Variants in C14orf39 observed in about 807,000 individuals in gnomAD.
C14orf39 encodes the protein chromosome 14 open reading frame 39.
Under a neutral mutation model 85.6 loss-of-function variants are expected in C14orf39, and 66 were observed. The observed-to-expected ratio is 0.77, with a 90% CI of 0.63 to 0.95. C14orf39 has a LOEUF of 0.95. Ranked by LOEUF, C14orf39 falls within the 40% of genes least tolerant of loss-of-function variation. The pLI, the probability that C14orf39 is intolerant of heterozygous loss-of-function variation, is 0.00. For synonymous variants in C14orf39, 242 were observed against 214.0 expected (o/e 1.13, Z -1.14); for missense variants, 735 against 663.9 (o/e 1.11, Z -1.18).
At chr14:60,513,236 G>T (rs1279971341) in intron 1 of C14orf39, among the ~76,000 whole-genome samples, 7 of 152,210 alleles carry the variant, frequency 4.6e-5, no homozygotes, top group Non-Finnish European at 8.8e-5. Context: ...GATAAAACTG[G>T]TGTTCTTTCC....
At position 60,442,401 on chromosome 14, in the gene C14orf39, C is replaced by T. The variant is rs144521294; in HGVS notation, c.1504-270G>A. On this transcript the variant is annotated intron_variant, in intron 16 of 17. Transcript: ENST00000321731. ...TTTAGAATCTTAATATGATATTTTG[C>T]TTTATTCTGAAAGCTTTTAACAAAT... Among the ~76,000 whole-genome samples, 24 of 152,164 alleles carry T rather than the reference C, an allele frequency of 1.6e-4. 2 individuals carry two copies. Among genetic ancestry groups the T allele is most frequent in the African/African-American group, 5.8e-4 (24 of 41,534 alleles).
chr14:60,437,243 A>G (rs1890296232), intron 17 of C14orf39, among the ~76,000 whole-genome samples, 196 bp from the exon 18 acceptor site: 1 of 151,984 alleles, frequency 6.6e-6, no homozygotes, highest in African/African-American at 2.4e-5. Flanking sequence ...AACAGACTCA[A>G]ACTTAAACCC....
chr14:60,471,323 C>A, intron 7 of C14orf39, 94 bp downstream of exon 7: 1 of 971,954 alleles, frequency 1.0e-6, no homozygotes, highest in Non-Finnish European at 1.5e-6. Flanking sequence ...AAAACAAATC[C>A]ATGTTATTCT....
chr14:60,492,671 T>C (rs1446968517), intron 2 of C14orf39, among the ~76,000 whole-genome samples: 3 of 152,018 alleles, frequency 2.0e-5, no homozygotes, highest in Non-Finnish European at 4.4e-5. Flanking sequence ...TAGTCCCAGC[T>C]ACTCAAGAGG....
intron 11 of C14orf39, 62 bp downstream of exon 11, chr14:60,465,917 T>G: frequency 1.6e-5 from 13 of 822,384 alleles, no homozygotes; most frequent in Middle Eastern, 2.4e-4. Context: ...GGGCAGTACA[T>G]TCATTATTAC....
intron 16 of C14orf39, among the ~76,000 whole-genome samples, chr14:60,450,927 C>A (rs1325861195): frequency 6.6e-6 from 1 of 152,190 alleles, no homozygotes; most frequent in Non-Finnish European, 1.5e-5. Flanking sequence ...CTGCAAACAG[C>A]ACAGCGTTAT....
Position 60,436,833 on chromosome 14 carries a change from T to C in C14orf39, c.*12A>G. 1 of 1,563,660 alleles carries C rather than the reference T, an allele frequency of 6.4e-7. No homozygotes were observed. Among genetic ancestry groups the C allele is most frequent in the Non-Finnish European group, 8.8e-7 (1 of 1,140,808 alleles). On this transcript the variant is annotated 3_prime_UTR_variant, in exon 18 of 18. Transcript: ENST00000321731. ...CAGAACAGTAAAATAATTTAAGGAA[T>C]TAATGACTAGCTCAAAAAAAAGTAA... is the stretch of plus-strand genomic sequence containing the variant.
rs945610915 is a variant in C14orf39, at chr14:60,509,182, C to A, written c.-144+6213G>T. The A allele has an allele frequency of 6.8e-6, 4 of 584,538 alleles. No homozygotes were observed. The African/African-American group carries it at 7.5e-5, about 11-fold the overall frequency. 36.2% of individuals were successfully genotyped at this position (584,538 alleles called of 1,614,324 possible). A position where few individuals can be genotyped will look rare whatever the true frequency, so the allele number is the denominator to read the frequency against. On this transcript the variant is annotated intron_variant, in intron 1 of 5. Transcript: ENST00000556799. ...CAGCTCGCCTGCCGGCGTGCCTGAG[C>A]CGAGCCGAGCCCGAACCCCAAGCCG...
At chr14:60,481,622 G>C (rs1892642191) in intron 4 of C14orf39, among the ~76,000 whole-genome samples, 1 of 152,078 alleles carries the variant, frequency 6.6e-6, no homozygotes, top group African/African-American at 2.4e-5. Context: ...CCAGTGCTAG[G>C]TGTTATTTTT....
At chr14:60,503,687 A>G (rs1482437628) in intron 1 of C14orf39, among the ~76,000 whole-genome samples, 1 of 152,238 alleles carries the variant, frequency 6.6e-6, no homozygotes, top group Non-Finnish European at 1.5e-5. Flanking sequence ...CTAACAAGAT[A>G]GAAGCAACCC....
intron 4 of C14orf39, among the ~76,000 whole-genome samples, chr14:60,482,214 C>T (rs1016553561): frequency 2.0e-5 from 3 of 152,088 alleles, no homozygotes; most frequent in African/African-American, 4.8e-5. Context: ...GTAGGTTCTA[C>T]GGGGAAACTA....
intron 17 of C14orf39, among the ~76,000 whole-genome samples, chr14:60,440,608 A>C (rs1042928310): frequency 6.6e-6 from 1 of 152,140 alleles, no homozygotes; most frequent in African/African-American, 2.4e-5. Context: ...TCCACATAGC[A>C]GCCAGAATAA....
rs545057902 is a variant in C14orf39, at chr14:60,451,199, G to A, written c.1503+3802C>T. 1.8e-4 allele frequency among the ~76,000 whole-genome samples: 28 copies of A among 152,264 alleles called. 1 individual carries two copies. The East Asian group carries it at 3.7e-3, about 20-fold the overall frequency. ...AAAAATCAGGAAACAACAGGTGCTG[G>A]AGAGGATGTGGAGAAATAGGAACAC... On this transcript the variant is annotated intron_variant, in intron 16 of 17. Transcript: ENST00000321731.
chr14:60,438,539 C>A (rs1441381652), intron 17 of C14orf39, among the ~76,000 whole-genome samples: 1 of 152,058 alleles, frequency 6.6e-6, no homozygotes, highest in Non-Finnish European at 1.5e-5. Context: ...CTGTGCAAGG[C>A]AGCATTATAG....
intron 16 of C14orf39, among the ~76,000 whole-genome samples, chr14:60,451,964 C>T (rs1343107619): frequency 4.6e-5 from 7 of 151,594 alleles, no homozygotes; most frequent in Non-Finnish European, 7.4e-5. Flanking sequence ...AGGCAGATAA[C>T]GAGGTCAGGA....
intron 16 of C14orf39, among the ~76,000 whole-genome samples, chr14:60,453,821 T>A (rs1262493612): frequency 6.6e-6 from 1 of 151,956 alleles, no homozygotes; most frequent in Non-Finnish European, 1.5e-5. Context: ...GCCAGGATTA[T>A]AATTAGATTT....
chr14:60,485,239 C>A lies in C14orf39; in HGVS notation c.-8-153G>T, dbSNP rs145138287. On this transcript the variant is annotated intron_variant, in intron 1 of 17. Transcript: ENST00000321731. ...ACGAGAGGCCCCCTTGAGCCCATGG[C>A]GACATTCCCAGCCCCTTCCCGGGCC... Among the ~76,000 whole-genome samples, 779 of 152,352 alleles carry A rather than the reference C, an allele frequency of 5.1e-3. 2 individuals are homozygous for A. The highest frequency in any genetic ancestry group is 0.017 in the African/African-American group (701 of 41,572).
rs193187533 is a variant in C14orf39 at position 60,505,738 on chromosome 14, A to T, written c.-143-6308T>A. Among the ~76,000 whole-genome samples the T allele has an allele frequency of 9.5e-4, 145 of 152,382 alleles. 2 individuals carry two copies. The East Asian group carries it at 0.02, about 21-fold the overall frequency. On this transcript the variant is annotated intron_variant, in intron 1 of 5. Transcript: ENST00000556799. ...GAAAAAAACAAAAACACAACATTTT[A>T]AAAAAGACATTTGACTTAGGAAAAG...
At position 60,484,292 on chromosome 14, in the gene C14orf39, A is replaced by G. The variant is rs1892782223; in HGVS notation, c.107-475T>C. Among the ~76,000 whole-genome samples the G allele has an allele frequency of 1.3e-5, 2 of 152,190 alleles. No homozygotes were observed. Among genetic ancestry groups the G allele is most frequent in the African/African-American group, 4.8e-5 (2 of 41,444 alleles). On this transcript the variant is annotated intron_variant, in intron 3 of 17. Coordinates refer to ENST00000321731, the MANE Select transcript of C14orf39 (RefSeq NM_174978.3). This position sits in a 1 kb window ranked among gnomAD's most constrained non-coding sequence, Gnocchi z 4.2. ...TTAAATAGAAGATAAAATGGACATA[A>G]TTTCTTAAAAAGATTAAAATAAATT... is the stretch of plus-strand genomic sequence containing the variant.
Sources: gnomAD v4.1 joint callset for allele counts (sites outside exome capture counted in the v4.1 genomes callset) on GRCh38, gnomAD v4.1.1 for gene constraint, Gnocchi (gnomAD v3.1) non-coding constraint, MANE v1.5 for transcripts, NCBI Gene and HGNC (gene_info 2026-07-23, HGNC 2026-07-21) for gene names.